The following GPC6 variants were observed in gnomAD, a reference collection of about 807,000 sequenced individuals.
The protein encoded by GPC6 is glypican 6.
In GPC6, 14 loss-of-function variants were observed where a neutral mutation model predicts 55.2. That is an observed-to-expected ratio of 0.25 (90% CI 0.17 to 0.40). The LOEUF is 0.40. Ranked by LOEUF, GPC6 falls within the 10% of genes least tolerant of loss-of-function variation. The pLI, the probability that GPC6 is intolerant of heterozygous loss-of-function variation, is 1.00. For missense variants in GPC6, 641 were observed against 708.5 expected (o/e 0.90, Z 1.08); for synonymous variants, 278 against 259.6 (o/e 1.07, Z -0.68).
At chr13:94,297,892 G>C (rs554578419) in intron 5 of GPC6, among the ~76,000 whole-genome samples, 1 of 152,118 alleles carries the variant, frequency 6.6e-6, no homozygotes, top group African/African-American at 2.4e-5. Context: ...GGAAAGAAAC[G>C]CATGAATCAG....
chr13:93,515,179 A>T (rs1314161848), intron 1 of GPC6, among the ~76,000 whole-genome samples: 1 of 152,028 alleles, frequency 6.6e-6, no homozygotes, highest in Non-Finnish European at 1.5e-5. Flanking sequence ...CGGTAAGAAG[A>T]TGGTCATCTT....
intron 1 of GPC6, among the ~76,000 whole-genome samples, chr13:93,260,114 T>C (rs1047662367): frequency 1.3e-5 from 2 of 152,176 alleles, no homozygotes; most frequent in African/African-American, 2.4e-5. Flanking sequence ...ATTCTTTCAG[T>C]GACCAATTCA....
intron 3 of GPC6, among the ~76,000 whole-genome samples, chr13:93,866,869 A>C (rs2139032999): frequency 6.6e-6 from 1 of 151,904 alleles, no homozygotes; most frequent in South Asian, 2.1e-4. Context: ...TGAACCTAAA[A>C]GTTTTTCTAA....
intron 2 of GPC6, among the ~76,000 whole-genome samples, chr13:93,614,187 T>C (rs1878618718): frequency 1.3e-5 from 2 of 152,210 alleles, no homozygotes; most frequent in South Asian, 4.1e-4. Context: ...ATGTTATTTT[T>C]CTAGATACAG....
chr13:94,171,634 G>T (rs1271982907), intron 4 of GPC6, among the ~76,000 whole-genome samples: 1 of 152,102 alleles, frequency 6.6e-6, no homozygotes, highest in Admixed American at 6.6e-5. Context: ...TTGTAAAAAG[G>T]GATTTTGCTA....
chr13:93,293,510 A>G (rs1814063551), intron 1 of GPC6, among the ~76,000 whole-genome samples: 1 of 84,332 alleles, frequency 1.2e-5, no homozygotes, highest in African/African-American at 7.6e-5. Context: ...GTGATTTGTG[A>G]AAATGTAAGA....
intron 5 of GPC6, among the ~76,000 whole-genome samples, chr13:94,296,130 T>C (rs775012937): frequency 6.6e-6 from 1 of 152,176 alleles, no homozygotes; most frequent in Non-Finnish European, 1.5e-5. Flanking sequence ...GAAAGTAAAA[T>C]GAAGGTTTGA....
chr13:93,310,782 T>C (rs1473206803), intron 1 of GPC6, among the ~76,000 whole-genome samples: 1 of 152,236 alleles, frequency 6.6e-6, no homozygotes, highest in Non-Finnish European at 1.5e-5. Context: ...CTGTTGTAAC[T>C]AATCATAATA....
intron 3 of GPC6, among the ~76,000 whole-genome samples, chr13:93,925,428 T>A (rs935546918): frequency 2.0e-5 from 3 of 152,324 alleles, no homozygotes; most frequent in South Asian, 2.1e-4. Context: ...TGAATCTATT[T>A]GTAGCATGAA....
intron 1 of GPC6, among the ~76,000 whole-genome samples, chr13:93,310,497 CA>C (rs1879030408): frequency 6.6e-6 from 1 of 152,134 alleles, no homozygotes; most frequent in Non-Finnish European, 1.5e-5. Flanking sequence ...GAGTGGTTGT[CA>C]TGAACTTGTA....
rs536603924 is a variant in GPC6 at position 93,958,143 on chromosome 13, A to C, written c.712-69586A>C. Reference sequence around the variant, plus strand: ...TTTGTCTGATGCATGCTTTGCAAATATTTTCTCCCATTCTGTAGGGTGTCT... The same window carrying C: ...TTTGTCTGATGCATGCTTTGCAAATCTTTTCTCCCATTCTGTAGGGTGTCT... On this transcript the variant is annotated intron_variant, in intron 3 of 8. Coordinates refer to ENST00000377047, the MANE Select transcript of GPC6 (RefSeq NM_005708.5). 1.1e-4 allele frequency among the ~76,000 whole-genome samples: 16 copies of C among 152,142 alleles called. No homozygotes were observed. The South Asian group carries it at 3.1e-3, about 30-fold the overall frequency.
intron 1 of GPC6, among the ~76,000 whole-genome samples, chr13:93,422,863 TGA>T (rs919909894): frequency 8.5e-5 from 13 of 152,130 alleles, no homozygotes; most frequent in Admixed American, 4.6e-4. Context: ...GTTAGCAACA[TGA>T]GAGAGAGAAT....
intron 2 of GPC6, among the ~76,000 whole-genome samples, chr13:93,672,858 A>G (rs9516268): frequency 0.24 from 36,041 of 151,870 alleles, 5,190 homozygotes; most frequent in East Asian, 0.47. Context: ...CTGCTGAAAC[A>G]TTGACCCCCA....
At position 93,838,814 on chromosome 13, in the gene GPC6, GGCCCTGTCCCCA is replaced by G. The variant is rs147825762; in HGVS notation, c.711+8271_711+8282del. 2.8e-3 allele frequency among the ~76,000 whole-genome samples: 425 copies of G among 152,142 alleles called. 5 individuals are homozygous for G. Among genetic ancestry groups the G allele is most frequent in the East Asian group, 0.015 (76 of 5,152 alleles). The stretch of plus-strand genomic sequence containing the variant: ...TCAACAGCCACGATGCATAGTTTAG[GGCCCTGTCCCCA>G]GAGTCAGGGATGGAACTGTTTGGGA... On this transcript the variant is annotated intron_variant, in intron 3 of 8. Transcript: ENST00000377047.
At chr13:94,185,803 A>G (rs1328273106) in intron 4 of GPC6, among the ~76,000 whole-genome samples, 1 of 152,048 alleles carries the variant, frequency 6.6e-6, no homozygotes, top group East Asian at 1.9e-4. Flanking sequence ...ATTTAAAAAA[A>G]GGTTTTTAGC....
intron 1 of GPC6, among the ~76,000 whole-genome samples, chr13:93,410,306 T>C (rs1876446400): frequency 6.6e-6 from 1 of 152,178 alleles, no homozygotes; most frequent in South Asian, 2.1e-4. Context: ...AATAAAAAGA[T>C]GTTTCAGAAA....
At chr13:93,960,828 T>C (rs1879737222) in intron 3 of GPC6, among the ~76,000 whole-genome samples, 1 of 150,636 alleles carries the variant, frequency 6.6e-6, no homozygotes, top group Non-Finnish European at 1.5e-5. Flanking sequence ...TTTTTTTTTT[T>C]TTGAGACAGA....
chr13:93,373,647 T>G (rs1282094878), intron 1 of GPC6, among the ~76,000 whole-genome samples: 1 of 152,092 alleles, frequency 6.6e-6, no homozygotes, highest in Non-Finnish European at 1.5e-5. Flanking sequence ...TAGGTCAGAT[T>G]AACAAAATGA....
intron 1 of GPC6, among the ~76,000 whole-genome samples, chr13:93,302,051 T>C (rs1047579288): frequency 1.3e-5 from 2 of 152,212 alleles, no homozygotes; most frequent in Non-Finnish European, 2.9e-5. Context: ...AGATCACAAT[T>C]GGGTCACTGT....
Sources: gnomAD v4.1 joint callset for allele counts (sites outside exome capture counted in the v4.1 genomes callset) on GRCh38, gnomAD v4.1.1 for gene constraint, MANE v1.5 for transcripts, NCBI Gene and HGNC (gene_info 2026-07-23, HGNC 2026-07-21) for gene names.